The following CEMIP2 variants were observed in gnomAD, a reference collection of about 807,000 sequenced individuals.
CEMIP2 encodes the protein cell migration inducing hyaluronidase 2, also known as cell surface hyaluronidase CEMIP2.
In CEMIP2, 79 loss-of-function variants were observed where a neutral mutation model predicts 146.9. That is an observed-to-expected ratio of 0.54 (90% confidence interval 0.45 to 0.65). The LOEUF (loss-of-function observed/expected upper bound fraction) is 0.65, where lower values mean the gene tolerates loss of function less well. Ranked by LOEUF, CEMIP2 falls within the 30% of genes least tolerant of loss-of-function variation. CEMIP2 has a pLI of 0.00. For missense variants in CEMIP2, 1,596 were observed against 1,696.2 expected (o/e 0.94, Z 1.04); for synonymous variants, 601 against 606.3 (o/e 0.99, Z 0.13).
At chr9:71,765,699 T>C (rs1001867066) in intron 1 of CEMIP2, among the ~76,000 whole-genome samples, 1 of 152,224 alleles carries the variant, frequency 6.6e-6, no homozygotes, top group Admixed American at 6.5e-5. Flanking sequence ...CATGCACTTA[T>C]TGGACCTTCT....
At chr9:71,737,322 C>T (rs1407361288) in intron 5 of CEMIP2, among the ~76,000 whole-genome samples, 6 of 150,740 alleles carry the variant, frequency 4.0e-5, no homozygotes, top group Admixed American at 2.6e-4. Flanking sequence ...TGTGGTGGCA[C>T]GTGCCTGTAG....
At chr9:71,728,302 C>CGTGTATATATATATAT (rs1554684803) in intron 10 of CEMIP2, among the ~76,000 whole-genome samples, 1 of 11,584 alleles carries the variant, frequency 8.6e-5, no homozygotes, top group Non-Finnish European at 1.5e-4. Context: ...TATATATATA[C>CGTGTATATATATATAT]ATATATATAT....
chr9:71,767,674 G>C (rs536387290), intron 1 of CEMIP2, among the ~76,000 whole-genome samples: 9 of 152,284 alleles, frequency 5.9e-5, no homozygotes, highest in African/African-American at 2.2e-4. Flanking sequence ...CTCACAGAGA[G>C]GGCCCCCCTC....
intron 18 of CEMIP2, among the ~76,000 whole-genome samples, chr9:71,701,664 C>A (rs1386786465): frequency 6.6e-6 from 1 of 152,032 alleles, no homozygotes; most frequent in African/African-American, 2.4e-5. Flanking sequence ...AAGGTATATG[C>A]CTTTTTAAAG....
At chr9:71,751,925 T>C (rs895079115) in intron 1 of CEMIP2, among the ~76,000 whole-genome samples, 3 of 152,370 alleles carry the variant, frequency 2.0e-5, no homozygotes, top group Non-Finnish European at 2.9e-5. Flanking sequence ...GTCTATCTTA[T>C]CTCTTTAAAT....
chr9:71,694,685 T>C, intron 20 of CEMIP2, 78 bp from the exon 21 acceptor site: 2 of 897,810 alleles, frequency 2.2e-6, no homozygotes, highest in South Asian at 2.8e-5. Flanking sequence ...AAGTTAATTA[T>C]AATTAAAGCC....
intron 21 of CEMIP2, among the ~76,000 whole-genome samples, chr9:71,692,087 TGACAGAGC>T (rs906639208): frequency 6.8e-6 from 1 of 146,574 alleles, no homozygotes; most frequent in African/African-American, 2.5e-5. Flanking sequence ...TCAGCTTGGA[TGACAGAGC>T]GAGACTCTAT....
At chr9:71,723,285 A>G (rs761845511) in intron 11 of CEMIP2, among the ~76,000 whole-genome samples, 1 of 152,046 alleles carries the variant, frequency 6.6e-6, no homozygotes, top group Non-Finnish European at 1.5e-5. Context: ...TAATAAACGC[A>G]TTGTAACCAA....
intron 1 of CEMIP2, among the ~76,000 whole-genome samples, chr9:71,761,554 C>G (rs915925994): frequency 6.6e-6 from 1 of 152,186 alleles, no homozygotes; most frequent in African/African-American, 2.4e-5. Context: ...AGGACCAGAA[C>G]CCAAGTTGAC....
chr9:71,685,651 C>G (rs1201163602), intron 23 of CEMIP2, 92 bp downstream of exon 23: 2 of 1,067,330 alleles, frequency 1.9e-6, no homozygotes, highest in African/African-American at 3.2e-5. Context: ...AGCAAACAAG[C>G]TCATGAAAAT....
intron 18 of CEMIP2, among the ~76,000 whole-genome samples, chr9:71,702,052 G>A (rs1311121174): frequency 1.3e-5 from 2 of 152,110 alleles, no homozygotes; most frequent in Admixed American, 1.3e-4. Context: ...GAGTGCATGA[G>A]TTCAAGACCA....
At chr9:71,686,008 T>A (rs757558089) in intron 22 of CEMIP2, 162 bp from the exon 23 acceptor site, 165 of 605,194 alleles carry the variant, frequency 2.7e-4, no homozygotes, top group Non-Finnish European at 4.4e-4. Context: ...ATTCCCACTC[T>A]TCCACCCCAC....
At chr9:71,728,556 C>T (rs1184703067) in intron 10 of CEMIP2, among the ~76,000 whole-genome samples, 2 of 151,088 alleles carry the variant, frequency 1.3e-5, no homozygotes, top group Non-Finnish European at 2.9e-5. Flanking sequence ...ATAATAAATA[C>T]AAATTTCTCC....
chr9:71,711,221 T>G (rs1822894176), intron 16 of CEMIP2, among the ~76,000 whole-genome samples: 1 of 152,044 alleles, frequency 6.6e-6, no homozygotes, highest in Non-Finnish European at 1.5e-5. Context: ...ATTTTTACAG[T>G]CTATCTGCAA....
intron 19 of CEMIP2, among the ~76,000 whole-genome samples, chr9:71,698,504 G>C (rs939390140): frequency 2.6e-5 from 4 of 152,180 alleles, no homozygotes; most frequent in Admixed American, 2.6e-4. Context: ...AATTTGGTTT[G>C]GCTCAAAAAT....
At chr9:71,734,771 G>A (rs771543031) in intron 6 of CEMIP2, 35 bp downstream of exon 6, 1 of 1,531,798 alleles carries the variant, frequency 6.5e-7, no homozygotes, top group South Asian at 1.3e-5. Context: ...AGAAAATAGT[G>A]TGTTTCCCAA....
intron 1 of CEMIP2, among the ~76,000 whole-genome samples, chr9:71,758,122 G>T (rs939857359): frequency 6.6e-6 from 1 of 152,124 alleles, no homozygotes; most frequent in Non-Finnish European, 1.5e-5. Flanking sequence ...CCACTGCAAA[G>T]AATTCAACAT....
intron 16 of CEMIP2, among the ~76,000 whole-genome samples, chr9:71,710,755 G>T (rs1357650442): frequency 2.0e-5 from 3 of 152,066 alleles, no homozygotes; most frequent in African/African-American, 7.2e-5. Flanking sequence ...ACTGGACAGG[G>T]GATCCAAGAC....
At chr9:71,724,961 T>A (rs1450802646) in intron 11 of CEMIP2, among the ~76,000 whole-genome samples, 3 of 152,080 alleles carry the variant, frequency 2.0e-5, no homozygotes, top group African/African-American at 7.2e-5. Flanking sequence ...AGGGAGAGGA[T>A]GAGGACACAT....
Sources: gnomAD v4.1 joint callset for allele counts (sites outside exome capture counted in the v4.1 genomes callset) on GRCh38, gnomAD v4.1.1 for gene constraint, MANE v1.5 for transcripts, NCBI Gene and HGNC (gene_info 2026-07-23, HGNC 2026-07-21) for gene names.